CERK: variants seen among roughly 807,000 people sequenced by gnomAD.
CERK encodes acylsphingosine kinase.
In CERK, 39 loss-of-function variants were observed where a neutral mutation model predicts 63.4. The ratio of observed to expected loss-of-function variants is 0.61; its 90% CI spans 0.48 to 0.80. CERK has a LOEUF of 0.80. CERK is among the 30% of genes least tolerant of loss of function. CERK has a pLI of 0.00. For synonymous variants in CERK, 302 were observed against 280.0 expected (o/e 1.08, Z -0.78); for missense variants, 670 against 714.1 (o/e 0.94, Z 0.70).
intron 2 of CERK, among the ~76,000 whole-genome samples, chr22:46,720,660 A>G (rs778927829): frequency 1.3e-5 from 2 of 152,184 alleles, no homozygotes; most frequent in Non-Finnish European, 2.9e-5. Flanking sequence ...GCGCCACTGC[A>G]CTTCAGCTTG....
intron 1 of CERK, among the ~76,000 whole-genome samples, chr22:46,731,307 GTTAGGGGAGTGCA>G (rs2082944171): frequency 6.6e-6 from 1 of 152,236 alleles, no homozygotes; most frequent in African/African-American, 2.4e-5. Flanking sequence ...CCCACGTGCT[GTTAGGGGAGTGCA>G]TGTGGGGAGC....
chr22:46,718,104 A>C (rs577004374), intron 3 of CERK, among the ~76,000 whole-genome samples: 1 of 151,404 alleles, frequency 6.6e-6, no homozygotes, highest in Admixed American at 6.6e-5. Flanking sequence ...AAAGAAAAAA[A>C]CCCACTAAAA....
chr22:46,691,316 G>C (rs183576146), intron 11 of CERK, among the ~76,000 whole-genome samples: 1 of 151,978 alleles, frequency 6.6e-6, no homozygotes, highest in Non-Finnish European at 1.5e-5. Flanking sequence ...CGGGTGATCC[G>C]CCTGCCTCAG....
In CERK at chr22:46,722,928, C is replaced by T. The variant is rs189162153; in HGVS notation, c.143-1913G>A. On this transcript the variant is annotated intron_variant, in intron 1 of 12. Transcript: ENST00000216264. ...AGGATTCCCCGTGGGTGGAGGAAGG[C>T]GACGTAGGGGCAGGAGCTGGGGAGA... Among the ~76,000 whole-genome samples, 18 of 152,150 alleles carry T rather than the reference C, an allele frequency of 1.2e-4. No homozygotes were observed. In the East Asian group the frequency reaches 3.1e-3, roughly 26 times the overall value.
intron 1 of CERK, among the ~76,000 whole-genome samples, chr22:46,737,457 T>C (rs2082980449): frequency 6.6e-6 from 1 of 152,208 alleles, no homozygotes; most frequent in Non-Finnish European, 1.5e-5. Context: ...AGCCAACCCG[T>C]GGCACGGAAA....
chr22:46,711,181 A>T, intron 4 of CERK, 32 bp from the exon 5 acceptor site: 1 of 1,548,312 alleles, frequency 6.5e-7, no homozygotes, highest in Non-Finnish European at 8.9e-7. Flanking sequence ...CACAGTTTAT[A>T]TTCACATCTG....
In CERK at chr22:46,690,176, A is replaced by C; in HGVS notation, c.1357T>G (p.Tyr453Asp). The stretch of plus-strand genomic sequence containing the variant: ...GTAAACTGGAATTTCTTGACGCGAT[A>C]AACTTCAACAAAAGTGAAGTCAAAC... ...DQFDFTFVEVYRVKKFQFTSK... is the reference protein window; with the variant it reads ...DQFDFTFVEVDRVKKFQFTSK... Residue 453 changes from tyrosine to aspartate, a missense_variant, in exon 12 of 13, where the codon TAT (tyrosine) becomes GAT (aspartate). Tyr to Asp is a radical substitution (Grantham distance 160, BLOSUM62 -3). Coordinates refer to ENST00000216264, the MANE Select transcript of CERK (RefSeq NM_022766.6). 1 of 1,613,806 alleles carries C rather than the reference A, an allele frequency of 6.2e-7. No individual in the cohort carries two copies. Among genetic ancestry groups the C allele is most frequent in the African/African-American group, 1.3e-5 (1 of 74,946 alleles).
intron 6 of CERK, 143 bp downstream of exon 6, chr22:46,707,700 C>G: frequency 1.1e-6 from 1 of 939,138 alleles, no homozygotes; most frequent in Non-Finnish European, 1.6e-6. Context: ...GATATCCCCC[C>G]AAGAGTGGCC....
chr22:46,719,061 C>T (rs2082879544), intron 3 of CERK, among the ~76,000 whole-genome samples: 1 of 152,026 alleles, frequency 6.6e-6, no homozygotes, highest in Non-Finnish European at 1.5e-5. Context: ...GAGCGAGACC[C>T]TGTCTCAAAA....
chr22:46,702,223 ATGTGTG>A (rs34222392), intron 6 of CERK, among the ~76,000 whole-genome samples: 1,429 of 84,732 alleles, frequency 0.017, 34 homozygotes, highest in African/African-American at 0.056. Flanking sequence ...AAATATATAT[ATGTGTG>A]TGTGTGTGTG....
At chr22:46,712,501 C>G (rs1209352613) in intron 3 of CERK, among the ~76,000 whole-genome samples, 1 of 152,198 alleles carries the variant, frequency 6.6e-6, no homozygotes, top group African/African-American at 2.4e-5. Context: ...TGGGCAAAGG[C>G]TATACACACA....
At chr22:46,733,474 A>T (rs1054519684) in intron 1 of CERK, among the ~76,000 whole-genome samples, 2 of 150,754 alleles carry the variant, frequency 1.3e-5, no homozygotes, top group Non-Finnish European at 1.5e-5. Context: ...TTGTATTTTT[A>T]GTAGAGACAG....
At chr22:46,717,650 C>T (rs903073684) in intron 3 of CERK, among the ~76,000 whole-genome samples, 2 of 152,194 alleles carry the variant, frequency 1.3e-5, no homozygotes, top group African/African-American at 4.8e-5. Flanking sequence ...GCAGTGGTTC[C>T]CCTTTGGGGA....
At chr22:46,727,170 A>G (rs1265004860) in intron 1 of CERK, among the ~76,000 whole-genome samples, 1 of 152,196 alleles carries the variant, frequency 6.6e-6, no homozygotes, top group Admixed American at 6.5e-5. Context: ...AAGCCCCCAG[A>G]GTTCATGATG....
chr22:46,689,641 G>C (rs762312966), intron 12 of CERK, among the ~76,000 whole-genome samples: 5 of 151,972 alleles, frequency 3.3e-5, no homozygotes, highest in Non-Finnish European at 5.9e-5. Context: ...CCCACCTTTT[G>C]AATTATTTAG....
rs1191023185 is a variant in CERK at position 46,731,150 on chromosome 22, T to C, written c.142+6857A>G. On this transcript the variant is annotated intron_variant, in intron 1 of 12. Coordinates refer to ENST00000216264, the MANE Select transcript of CERK (RefSeq NM_022766.6). ...TAAAAAGCCTCATGCCCACTAGGCATTGGTGGAGACAAAGGGGCAGCCCAG... is the reference window on the plus strand; with the variant it reads ...TAAAAAGCCTCATGCCCACTAGGCACTGGTGGAGACAAAGGGGCAGCCCAG... Among the ~76,000 whole-genome samples the C allele has an allele frequency of 1.4e-4, 21 of 152,182 alleles. 1 individual carries two copies. The highest frequency in any genetic ancestry group is 1.3e-3 in the Admixed American group (20 of 15,282).
intron 1 of CERK, among the ~76,000 whole-genome samples, chr22:46,732,523 T>C (rs1207289738): frequency 6.6e-6 from 1 of 152,132 alleles, no homozygotes; most frequent in Non-Finnish European, 1.5e-5. Flanking sequence ...TCTTAAATAC[T>C]GGTGGTTTAA....
Position 46,719,325 on chromosome 22 carries a change from A to T in CERK, c.379+761T>A, listed in dbSNP as rs2082881054. ...TAAGGGTGACAAAGTCTTGTTACTC[A>T]GCATGCAATAACTAACCCACCAGGC... On this transcript the variant is annotated intron_variant, in intron 3 of 12. Transcript: ENST00000216264. Among the ~76,000 whole-genome samples, 3 of 152,024 alleles carry T rather than the reference A, an allele frequency of 2.0e-5. No homozygotes were observed. The South Asian group carries it at 6.2e-4, about 32-fold the overall frequency.
intron 8 of CERK, among the ~76,000 whole-genome samples, chr22:46,697,753 C>T (rs1330549917): frequency 6.6e-6 from 1 of 152,220 alleles, no homozygotes; most frequent in Non-Finnish European, 1.5e-5. Context: ...GATCCACCTG[C>T]CTTGACCTCC....
Sources: allele counts gnomAD v4.1 joint callset (sites outside exome capture counted in the v4.1 genomes callset), GRCh38; gene constraint gnomAD v4.1.1; transcripts MANE v1.5; gene names NCBI Gene and HGNC (gene_info 2026-07-23, HGNC 2026-07-21).